Variants in ATP8A1 observed in about 807,000 individuals in gnomAD.
ATP8A1 encodes the protein phospholipid-transporting ATPase IA.
ATP8A1 carries 90 observed loss-of-function variants against 177.7 expected under a neutral mutation model. The ratio of observed to expected loss-of-function variants is 0.51; its 90% CI spans 0.43 to 0.60. The LOEUF (loss-of-function observed/expected upper bound fraction) is 0.60, where lower values mean the gene tolerates loss of function less well. Among genes scored for constraint, ATP8A1 ranks in the 20% least tolerant of loss-of-function variants. The probability of loss-of-function intolerance (pLI) is 0.00; values close to 1 mark genes in which losing one functional copy is unlikely to be tolerated. For synonymous variants in ATP8A1, 493 were observed against 485.9 expected, an observed-to-expected ratio of 1.01 and a Z score of -0.19; for missense variants, 1,072 against 1,392.8, an observed-to-expected ratio of 0.77 and a Z score of 3.67.
intron 35 of ATP8A1, among the ~76,000 whole-genome samples, chr4:42,417,497 T>C (rs557104021): frequency 1.3e-3 from 203 of 152,284 alleles, no homozygotes; most frequent in South Asian, 4.3e-3. Context: ...TACTAAATAT[T>C]GTTACCTTAT....
intron 33 of ATP8A1, among the ~76,000 whole-genome samples, chr4:42,426,840 G>A (rs1714679593): frequency 6.6e-6 from 1 of 152,108 alleles, no homozygotes; most frequent in Non-Finnish European, 1.5e-5. Flanking sequence ...ATGAAACATA[G>A]GCCAAAGTAA....
At chr4:42,526,846 G>A (rs931404643) in intron 20 of ATP8A1, among the ~76,000 whole-genome samples, 1 of 152,158 alleles carries the variant, frequency 6.6e-6, no homozygotes, top group Non-Finnish European at 1.5e-5. Context: ...GGTTTCTGGA[G>A]GTGGCTGCTT....
chr4:42,566,973 T>C (rs1172445687), intron 15 of ATP8A1, among the ~76,000 whole-genome samples: 1 of 152,224 alleles, frequency 6.6e-6, no homozygotes, highest in Non-Finnish European at 1.5e-5. Context: ...ACAGAGCTCA[T>C]CTAATCTTCA....
At chr4:42,519,084 T>C (rs1384770435) in intron 22 of ATP8A1, among the ~76,000 whole-genome samples, 1 of 152,126 alleles carries the variant, frequency 6.6e-6, no homozygotes, top group East Asian at 1.9e-4. Context: ...GTGTTATTTA[T>C]ATATTTATTT....
At chr4:42,566,944 T>C (rs1731408791) in intron 15 of ATP8A1, among the ~76,000 whole-genome samples, 2 of 152,238 alleles carry the variant, frequency 1.3e-5, no homozygotes, top group African/African-American at 4.8e-5. Flanking sequence ...GTGCAGACAC[T>C]ATCCAAAGCA....
intron 1 of ATP8A1, among the ~76,000 whole-genome samples, chr4:42,635,778 C>CATATATATATATATATATAT (rs1279984098): frequency 3.9e-4 from 13 of 33,642 alleles, no homozygotes; most frequent in African/African-American, 6.0e-4. Flanking sequence ...CACACACACA[C>CATATATATATATATATATAT]ACACATATAT....
intron 25 of ATP8A1, among the ~76,000 whole-genome samples, chr4:42,470,320 T>C (rs183672563): frequency 8.7e-4 from 132 of 152,368 alleles, no homozygotes; most frequent in Non-Finnish European, 2.5e-4. Context: ...CTCACTGCCC[T>C]GTGAACGTTA....
At chr4:42,541,563 A>G (rs1728390302) in intron 20 of ATP8A1, among the ~76,000 whole-genome samples, 1 of 152,234 alleles carries the variant, frequency 6.6e-6, no homozygotes, top group Non-Finnish European at 1.5e-5. Flanking sequence ...ACACAAAAAC[A>G]TGCATATGCA....
chr4:42,486,236 G>C (rs1170548512), intron 24 of ATP8A1, among the ~76,000 whole-genome samples: 2 of 152,132 alleles, frequency 1.3e-5, no homozygotes, highest in African/African-American at 4.8e-5. Context: ...CCTTTTAAAA[G>C]AGGCAAAGGT....
At chr4:42,523,384 G>A (rs140637514) in intron 21 of ATP8A1, among the ~76,000 whole-genome samples, 17 of 152,332 alleles carry the variant, frequency 1.1e-4, no homozygotes, top group African/African-American at 3.1e-4. Flanking sequence ...GCTAGGCTTA[G>A]TGATCTCAAG....
chr4:42,446,604 T>C lies in ATP8A1; in HGVS notation c.2937A>G (p.Leu979=), dbSNP rs1274983971. The C allele has an allele frequency of 1.9e-6, 3 of 1,613,920 alleles. No individual in the cohort carries two copies. The African/African-American group carries it at 4.0e-5, about 22-fold the overall frequency. ...FGNGKTSDYL[L]LGNFVYTFVV... ...TCACAGTGTACACAAAGTTTCCCAG[T>C]AGCAGATAATCCGAGGTTTTCCCAT... is the stretch of plus-strand genomic sequence containing the variant. Residue 979 remains leucine (L), a synonymous_variant, in exon 31 of 37, where the codon CTA becomes CTG. Coordinates refer to ENST00000381668, the MANE Select transcript of ATP8A1 (RefSeq NM_006095.2).
At chr4:42,597,947 A>G (rs1014247419) in intron 6 of ATP8A1, among the ~76,000 whole-genome samples, 2 of 152,154 alleles carry the variant, frequency 1.3e-5, no homozygotes, top group Non-Finnish European at 2.9e-5. Flanking sequence ...GTCAATTATC[A>G]TATTTCTGGT....
At position 42,412,946 on chromosome 4, in the gene ATP8A1, A is replaced by G. The variant is rs755297803; in HGVS notation, c.3465T>C (p.Asp1155=). ...ATTCGTCGGGCCTCTGTTTCGTGGT[A>G]TCATATGCTCTTATCACTTCAGACT... The part of the protein sequence containing the change: ...VSQSEVIRAY[D]TTKQRPDEW Residue 1155 remains aspartate, a synonymous_variant, in exon 37 of 37, where the codon GAT becomes GAC. Transcript: ENST00000381668. 9 of 1,613,512 alleles carry G rather than the reference A, an allele frequency of 5.6e-6. No homozygotes were observed. The highest frequency in any genetic ancestry group is 5.9e-6 in the Non-Finnish European group (7 of 1,179,612).
chr4:42,615,668 C>T (rs1166516678), intron 5 of ATP8A1, among the ~76,000 whole-genome samples: 1 of 152,142 alleles, frequency 6.6e-6, no homozygotes, highest in Non-Finnish European at 1.5e-5. Flanking sequence ...CAAGTGACAT[C>T]ACATGTGATT....
At chr4:42,611,102 CT>C (rs1302509191) in intron 5 of ATP8A1, among the ~76,000 whole-genome samples, 7 of 152,188 alleles carry the variant, frequency 4.6e-5, no homozygotes, top group Non-Finnish European at 8.8e-5. Context: ...AACTCAACAC[CT>C]TTTTCACAAA....
intron 1 of ATP8A1, among the ~76,000 whole-genome samples, chr4:42,636,416 A>G (rs1260856237): frequency 6.6e-6 from 1 of 151,898 alleles, no homozygotes; most frequent in East Asian, 1.9e-4. Flanking sequence ...GGAGAGAGAG[A>G]GAGAGAGCTC....
intron 4 of ATP8A1, among the ~76,000 whole-genome samples, chr4:42,623,413 T>A (rs1737700251): frequency 6.6e-6 from 1 of 152,180 alleles, no homozygotes. Context: ...ATTTCAGCCC[T>A]ATTCACAATA....
chr4:42,556,713 C>A (rs1730275557), intron 15 of ATP8A1, among the ~76,000 whole-genome samples: 1 of 151,922 alleles, frequency 6.6e-6, no homozygotes, highest in Non-Finnish European at 1.5e-5. Context: ...TCATTTATCT[C>A]ACGGCCATAC....
chr4:42,442,753 A>T (rs965388418), intron 33 of ATP8A1, among the ~76,000 whole-genome samples: 1 of 152,228 alleles, frequency 6.6e-6, no homozygotes, highest in Non-Finnish European at 1.5e-5. Flanking sequence ...GGGGCAACAA[A>T]TACATGAAAA....
Sources: gnomAD v4.1 joint callset for allele counts (sites outside exome capture counted in the v4.1 genomes callset) on GRCh38, gnomAD v4.1.1 for gene constraint, MANE v1.5 for transcripts, NCBI Gene and HGNC (gene_info 2026-07-23, HGNC 2026-07-21) for gene names.